Variants in NSG1 observed in about 807,000 individuals in gnomAD.
The protein encoded by NSG1 is neuronal vesicle trafficking associated 1, also known as neuronal vesicle trafficking-associated protein 1.
Under a neutral mutation model 19.3 loss-of-function variants are expected in NSG1, and 9 were observed. The ratio of observed to expected loss-of-function variants is 0.47; its 90% CI spans 0.28 to 0.81. NSG1 has a LOEUF of 0.81. NSG1 is among the 40% of genes least tolerant of loss of function. The pLI, the probability that NSG1 is intolerant of heterozygous loss-of-function variation, is 0.11. For missense variants in NSG1, 236 were observed against 242.4 expected, an observed-to-expected ratio of 0.97 and a Z score of 0.18; for synonymous variants, 104 against 107.0, an observed-to-expected ratio of 0.97 and a Z score of 0.17.
intron 3 of NSG1, among the ~76,000 whole-genome samples, chr4:4,405,297 C>T (rs995380205): frequency 6.6e-6 from 1 of 152,208 alleles, no homozygotes; most frequent in Non-Finnish European, 1.5e-5. Flanking sequence ...TAAGGACACA[C>T]CAGTTTGGTT....
intron 3 of NSG1, among the ~76,000 whole-genome samples, chr4:4,402,495 C>G (rs1228116756): frequency 6.7e-6 from 1 of 149,672 alleles, no homozygotes; most frequent in Non-Finnish European, 1.5e-5. Context: ...TCACGCCATT[C>G]TCCTGCCTCA....
chr4:4,416,681 C>T (rs1180040655), intron 4 of NSG1, among the ~76,000 whole-genome samples: 9 of 152,108 alleles, frequency 5.9e-5, no homozygotes, highest in Admixed American at 5.9e-4. Flanking sequence ...CGGCCCCTCC[C>T]TACCCCCTCG....
Position 4,403,434 on chromosome 4 carries a change from TC to T in NSG1, c.247-6137del, listed in dbSNP as rs150937939. Among the ~76,000 whole-genome samples the T allele has an allele frequency of 4.2e-3, 645 of 152,304 alleles. 5 individuals carry two copies. Among genetic ancestry groups the T allele is most frequent in the African/African-American group, 0.014 (602 of 41,544 alleles). On this transcript the variant is annotated intron_variant, in intron 3 of 4. Transcript: ENST00000621129. ...CATGGTCCCGTCCTCCGCCGTCATA[TC>T]CTGTAGCGCAATGTCTTCAAGCTTC... is the stretch of plus-strand genomic sequence containing the variant.
At chr4:4,414,012 G>A (rs2108755361) in intron 4 of NSG1, among the ~76,000 whole-genome samples, 1 of 152,216 alleles carries the variant, frequency 6.6e-6, no homozygotes, top group African/African-American at 2.4e-5. Context: ...GACAGCAGAG[G>A]ACAGCTTCCT....
At chr4:4,411,676 G>A (rs550339982) in intron 4 of NSG1, among the ~76,000 whole-genome samples, 13 of 152,174 alleles carry the variant, frequency 8.5e-5, no homozygotes, top group Admixed American at 5.2e-4. Context: ...CCCAGAAGGC[G>A]GAGGTTGCAG....
Position 4,397,039 on chromosome 4 carries a change from C to CTGTGTGTGTGTGTGTG in NSG1, c.246+5454_246+5469dup, listed in dbSNP as rs61613589. ...TCAGATACCACGTGGGTTCAGTCAT[C>CTGTGTGTGTGTGTGTG]TGTGTGTGTGTGTGTGTGTGTATGT... On this transcript the variant is annotated intron_variant, in intron 3 of 4. Transcript: ENST00000621129. Among the ~76,000 whole-genome samples the CTGTGTGTGTGTGTGTG allele has an allele frequency of 1.8e-3, 265 of 150,138 alleles. 1 individual carries two copies. The East Asian group carries it at 0.037, about 21-fold the overall frequency.
At position 4,403,108 on chromosome 4, in the gene NSG1, ACTCACTCG is replaced by A. The variant is rs879360690; in HGVS notation, c.247-6462_247-6455del. Among the ~76,000 whole-genome samples the A allele has an allele frequency of 2.2e-3, 342 of 152,142 alleles. 4 individuals carry two copies. The highest frequency in any genetic ancestry group is 0.012 in the East Asian group (60 of 5,178). ...GCTGGTTGTACTCACTCACTCACTC[ACTCACTCG>A]CTGAACGTGCAGGAGGCATCTTCTC... is the stretch of plus-strand genomic sequence containing the variant. On this transcript the variant is annotated intron_variant, in intron 3 of 4. Coordinates refer to ENST00000621129, the MANE Select transcript of NSG1 (RefSeq NM_014392.5).
rs116551734 is a variant in NSG1 at position 4,402,994 on chromosome 4, C to T, written c.247-6579C>T. Among the ~76,000 whole-genome samples the T allele has an allele frequency of 9.6e-3, 1,458 of 152,352 alleles. 9 individuals carry two copies. The highest frequency in any genetic ancestry group is 0.027 in the Middle Eastern group (8 of 294). Reference sequence around the variant, plus strand: ...CAGCACCTCCTGCAAACTAAATCCACGTTCTGTTCGATGCGTAGACGTTAT... The same window carrying T: ...CAGCACCTCCTGCAAACTAAATCCATGTTCTGTTCGATGCGTAGACGTTAT... On this transcript the variant is annotated intron_variant, in intron 3 of 4. Transcript: ENST00000621129.
At chr4:4,416,579 T>C (rs1724557628) in intron 4 of NSG1, among the ~76,000 whole-genome samples, 2 of 152,318 alleles carry the variant, frequency 1.3e-5, no homozygotes, top group South Asian at 4.1e-4. Context: ...GGGCCTGGCC[T>C]GCAGGGAATG....
rs1346852634 is a variant in NSG1 at position 4,418,940 on chromosome 4, T to C, written c.*1505T>C. ...TGAATAGACACAAGTGAAGCCCGTG[T>C]GCGCACAGTGCAGAGGCCGAGCCTG... On this transcript the variant is annotated 3_prime_UTR_variant, in exon 5 of 5. Coordinates refer to ENST00000621129, the MANE Select transcript of NSG1 (RefSeq NM_014392.5). 3 of 152,260 alleles carry C rather than the reference T, an allele frequency of 2.0e-5. No individual in the cohort carries two copies. The highest frequency in any genetic ancestry group is 7.2e-5 in the African/African-American group (3 of 41,464). The allele number at this position is 152,260 out of a possible 1,614,324, so 9.4% of individuals were successfully genotyped here.
At chr4:4,387,308 C>G (rs1560136887) in intron 1 of NSG1, 135 bp downstream of exon 1, 1 of 305,814 alleles carries the variant, frequency 3.3e-6, no homozygotes, top group African/African-American at 2.2e-5. Flanking sequence ...TGCGGCGGCC[C>G]CAGGACCGGG....
chr4:4,415,858 G>A (rs1015484518), intron 4 of NSG1: 15 of 510,822 alleles, frequency 2.9e-5, no homozygotes, highest in African/African-American at 1.6e-4. Context: ...GTGAAGGGGC[G>A]TGGCGGTGAG....
At position 4,387,715 on chromosome 4, in the gene NSG1, C is replaced by T. The variant is rs764190024; in HGVS notation, c.86C>T (p.Thr29Met). Residue 29 changes from threonine (T) to methionine (M), a missense_variant, in exon 2 of 5, where the codon ACG (threonine) becomes ATG (methionine). Coordinates refer to ENST00000621129, the MANE Select transcript of NSG1 (RefSeq NM_014392.5). Reference protein sequence around the residue: ...EDGFDTIPLMTPLDVNQLQFP... With the variant: ...EDGFDTIPLMMPLDVNQLQFP... Reference sequence around the variant, plus strand: ...GGCTTCGACACCATTCCCCTGATGACGCCCCTCGATGTCAATCAGCTGCAG... The same window carrying T: ...GGCTTCGACACCATTCCCCTGATGATGCCCCTCGATGTCAATCAGCTGCAG... The T allele has an allele frequency of 6.2e-6, 10 of 1,612,906 alleles. No individual in the cohort carries two copies. The highest frequency in any genetic ancestry group is 8.5e-6 in the Non-Finnish European group (10 of 1,179,146).
At chr4:4,412,177 G>T (rs1450447105) in intron 4 of NSG1, among the ~76,000 whole-genome samples, 1 of 152,174 alleles carries the variant, frequency 6.6e-6, no homozygotes, top group Admixed American at 6.5e-5. Context: ...TGCCGCGTGT[G>T]GCTGTAAAAC....
At chr4:4,392,739 T>C (rs1364009025) in intron 3 of NSG1, among the ~76,000 whole-genome samples, 1 of 152,216 alleles carries the variant, frequency 6.6e-6, no homozygotes, top group African/African-American at 2.4e-5. Flanking sequence ...GGGCAATTAC[T>C]TGTGTCAGCT....
At chr4:4,387,561 C>CCCGGGGGGGGGGGGGG in intron 1 of NSG1, 43 bp from the exon 2 acceptor site, 1 of 1,141,982 alleles carries the variant, frequency 8.8e-7, no homozygotes, top group Non-Finnish European at 1.2e-6. Context: ...CGCCCCGCCC[C>CCCGGGGGGGGGGGGGG]GGGTCTTGCT....
At position 4,417,150 on chromosome 4, in the gene NSG1, T is replaced by C. The variant is rs879702491; in HGVS notation, c.358-85T>C. On this transcript the variant is annotated intron_variant, in intron 4 of 4. Transcript: ENST00000621129. ...ATTCCTCCAAGCTCAGGGAAGGTGC[T>C]CAGTAACTGTTGGCTGCCAACTGGA... 9.7e-6 allele frequency: 11 copies of C among 1,133,182 alleles called. No individual in the cohort carries two copies. In the South Asian group the frequency reaches 1.0e-4, roughly 11 times the overall value. The allele number at this position is 1,133,182 out of a possible 1,614,324, so 70.2% of individuals were successfully genotyped here. A position where few individuals can be genotyped will look rare whatever the true frequency, so the allele number is the denominator to read the frequency against.
chr4:4,400,158 G>A (rs1723472786), intron 3 of NSG1, among the ~76,000 whole-genome samples: 1 of 152,204 alleles, frequency 6.6e-6, no homozygotes, highest in Admixed American at 6.5e-5. Context: ...TATATGGTAT[G>A]AGGTAAGGGT....
intron 2 of NSG1, among the ~76,000 whole-genome samples, chr4:4,389,648 C>G (rs1272670458): frequency 5.3e-5 from 8 of 152,198 alleles, no homozygotes; most frequent in African/African-American, 1.9e-4. Context: ...CAACGTGTTG[C>G]TAACGGTCAG....
Sources: allele counts gnomAD v4.1 joint callset (sites outside exome capture counted in the v4.1 genomes callset), GRCh38; gene constraint gnomAD v4.1.1; transcripts MANE v1.5; gene names NCBI Gene and HGNC (gene_info 2026-07-23, HGNC 2026-07-21).